Variants in IRF6 observed in about 807,000 individuals in gnomAD.
IRF6 encodes the protein Van der Woude syndrome.
IRF6 carries 6 observed loss-of-function variants against 51.4 expected under a neutral mutation model. The observed-to-expected ratio is 0.12, with a 90% confidence interval of 0.06 to 0.23. The LOEUF (loss-of-function observed/expected upper bound fraction) is 0.23, where lower values mean the gene tolerates loss of function less well. Among genes scored for constraint, IRF6 ranks in the 10% least tolerant of loss-of-function variants. The probability of loss-of-function intolerance (pLI) is 1.00; values close to 1 mark genes in which losing one functional copy is unlikely to be tolerated. For missense variants in IRF6, 348 were observed against 585.2 expected, an observed-to-expected ratio of 0.59 and a Z score of 4.18; for synonymous variants, 178 against 215.7, an observed-to-expected ratio of 0.83 and a Z score of 1.53.
Position 209,788,885 on chromosome 1 carries a change from G to A in IRF6, c.1180-241C>T, listed in dbSNP as rs149950041. ...CATTACATCACAGGCCTAAATAAAT[G>A]ACTGCTTACTTTGCAAGACTTTTTA... On this transcript the variant is annotated intron_variant, in intron 8 of 8. Coordinates refer to ENST00000367021, the MANE Select transcript of IRF6 (RefSeq NM_006147.4). 1.2e-4 allele frequency among the ~76,000 whole-genome samples: 19 copies of A among 152,310 alleles called. No homozygotes were observed. The East Asian group carries it at 3.7e-3, about 29-fold the overall frequency.
At position 209,801,954 on chromosome 1, in the gene IRF6, T is replaced by A. The variant is rs2077946675; in HGVS notation, c.-4+18A>T. The stretch of plus-strand genomic sequence containing the variant: ...AGTAGATAAGGGGTAGATCCTGGAC[T>A]CCAGAGTCCTCACTTACATGGAAGA... On this transcript the variant is annotated intron_variant, in intron 2 of 8. Transcript: ENST00000367021. The A allele has an allele frequency of 6.6e-6, 1 of 152,324 alleles. No homozygotes were observed. The highest frequency in any genetic ancestry group is 2.1e-4 in the South Asian group (1 of 4,832). The allele number at this position is 152,324 out of a possible 1,614,324, so 9.4% of individuals were successfully genotyped here.
chr1:209,787,174 G>C lies in IRF6; in HGVS notation c.*1246C>G, dbSNP rs58161850. The C allele has an allele frequency of 0.018, 2,734 of 152,456 alleles. 99 individuals carry two copies. The highest frequency in any genetic ancestry group is 0.062 in the African/African-American group (2,589 of 41,526). 9.4% of individuals were successfully genotyped at this position (152,456 alleles called of 1,614,324 possible). On this transcript the variant is annotated 3_prime_UTR_variant, in exon 9 of 9. Transcript: ENST00000367021. ...TTAAAGCTGCAGTAAGTGGTGACTT[G>C]CCACTGCACTCCAGCCTGGGCAACA...
At chr1:209,798,944 G>C (rs2077922723) in intron 3 of IRF6, among the ~76,000 whole-genome samples, 1 of 150,026 alleles carries the variant, frequency 6.7e-6, no homozygotes, top group Non-Finnish European at 1.5e-5. Flanking sequence ...ATCAAGAAAG[G>C]AGAGCCTAGG....
intron 1 of IRF6, among the ~76,000 whole-genome samples, chr1:209,803,056 G>A (rs974000728): frequency 3.9e-5 from 6 of 151,998 alleles, no homozygotes; most frequent in Non-Finnish European, 7.3e-5. Context: ...AGGTTGGCAC[G>A]CAGTGTTCAA....
Position 209,798,764 on chromosome 1 carries a change from CTGGGCATGG to C in IRF6, c.175-2221_175-2213del, listed in dbSNP as rs750972685. On this transcript the variant is annotated intron_variant, in intron 3 of 8. Coordinates refer to ENST00000367021, the MANE Select transcript of IRF6 (RefSeq NM_006147.4). ...TCTCTACTAAAAATACAAAAATTAT[CTGGGCATGG>C]TGGTGCACACCTGTAATCCCAGCTA... 4.9e-4 allele frequency among the ~76,000 whole-genome samples: 75 copies of C among 152,168 alleles called. 1 individual carries two copies. The highest frequency in any genetic ancestry group is 4.9e-4 in the Non-Finnish European group (33 of 67,996).
intron 2 of IRF6, 70 bp from the exon 3 acceptor site, chr1:209,801,486 C>G (rs1330377163): frequency 8.2e-7 from 1 of 1,217,986 alleles, no homozygotes; most frequent in African/African-American, 1.5e-5. Context: ...CCTTCCCAGC[C>G]ACCTTTCCCA....
At position 209,790,741 on chromosome 1, in the gene IRF6, C is replaced by G; in HGVS notation, c.814G>C (p.Glu272Gln). ...QEELFGPVSL[E>Q]QVKFPGPEHI... Reference sequence around the variant, plus strand: ...TCAGGACCTGGGAATTTGACCTGCTCCAGGCTGACGGGACCAAAGAGCTCC... The same window carrying G: ...TCAGGACCTGGGAATTTGACCTGCTGCAGGCTGACGGGACCAAAGAGCTCC... The change falls in exon 7 of 9, where the codon GAG (glutamate) becomes CAG (glutamine). Residue 272 changes from glutamate to glutamine, a missense_variant. By Grantham distance (29) the Glu-to-Gln change is conservative. This residue lies in a region of IRF6 where 125 missense variants were observed against 222.0 expected (regional missense o/e 0.56). Transcript: ENST00000367021. This position sits in a 1 kb window ranked among gnomAD's most constrained non-coding sequence, Gnocchi z 4.8. The G allele has an allele frequency of 6.2e-7, 1 of 1,614,190 alleles. No individual in the cohort carries two copies. The highest frequency in any genetic ancestry group is 8.5e-7 in the Non-Finnish European group (1 of 1,180,036).
rs1647287447 is a variant in IRF6, at chr1:209,796,634, A to ACACACACAC, written c.175-83_175-82insGTGTGTGTG. 23 of 586,880 alleles carry ACACACACAC rather than the reference A, an allele frequency of 3.9e-5. No individual in the cohort carries two copies. The highest frequency in any genetic ancestry group is 5.5e-5 in the South Asian group (3 of 54,086). The allele number at this position is 586,880 out of a possible 1,614,324, so 36.4% of individuals were successfully genotyped here. On this transcript the variant is annotated intron_variant, in intron 3 of 8. Transcript: ENST00000367021. This position sits in a 1 kb window ranked among gnomAD's most constrained non-coding sequence, Gnocchi z 4.5. ...GTGCTTACCCTTTCTCATAGACACAAACACACACACACACACACACACACA... is the reference window on the plus strand; with the variant it reads ...GTGCTTACCCTTTCTCATAGACACAACACACACACACACACACACACACACACACACACA...
chr1:209,788,780 C>A (rs2077850054), intron 8 of IRF6, 136 bp from the exon 9 acceptor site: 1 of 716,500 alleles, frequency 1.4e-6, no homozygotes. Context: ...ATAGGATATG[C>A]CTTCATCTCT....
intron 3 of IRF6, among the ~76,000 whole-genome samples, chr1:209,798,908 C>CAAAAAAAAAAA (rs61182544): frequency 1.0e-5 from 1 of 99,088 alleles, no homozygotes; most frequent in African/African-American, 4.2e-5. Flanking sequence ...GACTCTGTCT[C>CAAAAAAAAAAA]AAAAAAAAAA....
At position 209,795,378 on chromosome 1, in the gene IRF6, A is replaced by G; in HGVS notation, c.420T>C (p.Asp140=). 1 of 1,614,168 alleles carries G rather than the reference A, an allele frequency of 6.2e-7. No individual in the cohort carries two copies. Among genetic ancestry groups the G allele is most frequent in the East Asian group, 2.2e-5 (1 of 44,880 alleles). ...CATCTTCCTCATCTTCTTCATCCAC[A>G]TCATTATCCTTCTCATCCCAGGGAG... ...GSAPWDEKDN[D]VDEEDEEDEL... is the part of the protein sequence containing the mutation. Residue 140 remains aspartate, a synonymous_variant, in exon 5 of 9, where the codon GAT becomes GAC. Transcript: ENST00000367021.
Position 209,796,678 on chromosome 1 carries a change from A to ACAG in IRF6, c.175-127_175-126insCTG. 2.3e-6 allele frequency: 1 copy of ACAG among 438,460 alleles called. No individual in the cohort carries two copies. Among genetic ancestry groups the ACAG allele is most frequent in the Non-Finnish European group, 3.9e-6 (1 of 255,802 alleles). The allele number at this position is 438,460 out of a possible 1,614,324, so 27.2% of individuals were successfully genotyped here. A position where few individuals can be genotyped will look rare whatever the true frequency, so the allele number is the denominator to read the frequency against. Reference sequence around the variant, plus strand: ...ACACACACACACACACACACACACAACTTTTGCATGACTGCCCCATCATCC... The same window carrying ACAG: ...ACACACACACACACACACACACACAACAGCTTTTGCATGACTGCCCCATCATCC... On this transcript the variant is annotated intron_variant, in intron 3 of 8. Transcript: ENST00000367021. The surrounding 1 kb of genome is among the most constrained non-coding windows in gnomAD (Gnocchi z 4.5).
chr1:209,801,561 A>G, intron 2 of IRF6, 145 bp from the exon 3 acceptor site: 1 of 672,312 alleles, frequency 1.5e-6, no homozygotes, highest in Middle Eastern at 4.3e-4. Flanking sequence ...AAGCTGTGCC[A>G]GGTGGGAAAG....
intron 6 of IRF6, among the ~76,000 whole-genome samples, chr1:209,791,258 G>T (rs926830217): frequency 3.9e-5 from 6 of 152,134 alleles, no homozygotes; most frequent in African/African-American, 1.2e-4. Context: ...ATCATTTTTA[G>T]CTTATTGTTT....
intron 6 of IRF6, among the ~76,000 whole-genome samples, chr1:209,791,173 C>T (rs2077866813): frequency 6.6e-6 from 1 of 152,158 alleles, no homozygotes; most frequent in Non-Finnish European, 1.5e-5. Flanking sequence ...TCCTGGTGTC[C>T]CCACGCTATA....
At chr1:209,791,362 A>G (rs1009295640) in intron 6 of IRF6, among the ~76,000 whole-genome samples, 1 of 152,260 alleles carries the variant, frequency 6.6e-6, no homozygotes, top group Non-Finnish European at 1.5e-5. Flanking sequence ...ATAATATACC[A>G]TAAAAGGACA....
intron 5 of IRF6, among the ~76,000 whole-genome samples, chr1:209,794,670 C>T (rs1223415400): frequency 3.3e-5 from 5 of 152,174 alleles, no homozygotes; most frequent in African/African-American, 9.7e-5. Flanking sequence ...AGCAATTCAA[C>T]GTGTGTTCAA....
intron 8 of IRF6, 43 bp from the exon 9 acceptor site, chr1:209,788,687 G>A (rs1420395814): frequency 1.3e-6 from 2 of 1,539,334 alleles, no homozygotes; most frequent in South Asian, 1.1e-5. Context: ...TGAGGAAAAG[G>A]TATTTTTAAA....
chr1:209,794,481 T>C (rs1370687647), intron 5 of IRF6, among the ~76,000 whole-genome samples: 1 of 152,222 alleles, frequency 6.6e-6, no homozygotes, highest in African/African-American at 2.4e-5. Flanking sequence ...GTAGAGTACC[T>C]GAAAATACTA....
Sources: allele counts gnomAD v4.1 joint callset (sites outside exome capture counted in the v4.1 genomes callset), GRCh38; gene constraint gnomAD v4.1.1; regional missense constraint gnomAD v4.1.1; non-coding constraint Gnocchi (gnomAD v3.1); transcripts MANE v1.5; gene names NCBI Gene and HGNC (gene_info 2026-07-23, HGNC 2026-07-21).